The following LCK variants were observed in gnomAD, a reference collection of about 807,000 sequenced individuals.
The protein encoded by LCK is tyrosine-protein kinase Lck.
LCK carries 14 observed loss-of-function variants against 64.6 expected under a neutral mutation model. That is an observed-to-expected ratio of 0.22 (90% CI 0.14 to 0.34). The LOEUF is 0.34. Ranked by LOEUF, LCK falls within the 10% of genes least tolerant of loss-of-function variation. The probability of loss-of-function intolerance (pLI) is 1.00; values close to 1 mark genes in which losing one functional copy is unlikely to be tolerated. For synonymous variants in LCK, 277 were observed against 263.6 expected (o/e 1.05, Z -0.49); for missense variants, 434 against 668.1 (o/e 0.65, Z 3.86).
Position 32,276,448 on chromosome 1 carries a change from T to A in LCK, c.743T>A (p.Val248Glu), listed in dbSNP as rs905758883. Residue 248 changes from valine to glutamate, a missense_variant, in exon 8 of 13, where the codon GTG (valine) becomes GAG (glutamate). Physicochemically the swap from Val to Glu is moderately radical, Grantham distance 121 (BLOSUM62 -2). Around this residue, in one of 2 missense-constraint regions of LCK, gnomAD observed 201 missense variants for 376.9 expected, o/e 0.53. Coordinates refer to ENST00000336890, the MANE Select transcript of LCK (RefSeq NM_005356.5). The surrounding 1 kb of genome is among the most constrained non-coding windows in gnomAD (Gnocchi z 4.6). The stretch of plus-strand genomic sequence containing the variant: ...GTTCCCAGGGAGACGCTGAAGCTGG[T>A]GGAGCGGCTGGGGGCTGGACAGTTC... Reference protein sequence around the residue: ...WEVPRETLKLVERLGAGQFGE... With the variant: ...WEVPRETLKLEERLGAGQFGE... The A allele has an allele frequency of 6.2e-7, 1 of 1,612,696 alleles. No homozygotes were observed. The highest frequency in any genetic ancestry group is 8.5e-7 in the Non-Finnish European group (1 of 1,179,704).
At chr1:32,263,896 G>A (rs1639847482) in intron 1 of LCK, among the ~76,000 whole-genome samples, 1 of 151,640 alleles carries the variant, frequency 6.6e-6, no homozygotes. Flanking sequence ...CAGCCTGTGC[G>A]ACAGAGCAAG....
chr1:32,285,839 CAT>C lies in LCK; in HGVS notation c.*124_*125del. 1 of 957,992 alleles carries C rather than the reference CAT, an allele frequency of 1.0e-6. No individual in the cohort carries two copies. 59.3% of individuals were successfully genotyped at this position (957,992 alleles called of 1,614,324 possible). A position where few individuals can be genotyped will look rare whatever the true frequency, so the allele number is the denominator to read the frequency against. ...GGACTCTGCACATGAATCCCACCCACATGTGACACATATGCACCTTGTGTCTG... is the reference window on the plus strand; with the variant it reads ...GGACTCTGCACATGAATCCCACCCACGTGACACATATGCACCTTGTGTCTG... On this transcript the variant is annotated 3_prime_UTR_variant, in exon 13 of 13. Transcript: ENST00000336890.
rs1639514072 is a variant in LCK, at chr1:32,251,894, A to AGAG, written c.-6+523_-6+524insGAG. On this transcript the variant is annotated intron_variant, in intron 1 of 12. Transcript: ENST00000336890. The surrounding 1 kb of genome is among the most constrained non-coding windows in gnomAD (Gnocchi z 4.0). ...CCCCAGTGACAAGAATCTCCTGAGA[A>AGAG]AGAGAGAGAGAGAGAGAGAGAGAGA... 7.6e-6 allele frequency among the ~76,000 whole-genome samples: 1 copy of AGAG among 132,232 alleles called. No individual in the cohort carries two copies. Among genetic ancestry groups the AGAG allele is most frequent in the South Asian group, 2.5e-4 (1 of 3,946 alleles). The allele number at this position is 132,232 out of a possible 152,430, so 86.7% of individuals were successfully genotyped here.
chr1:32,274,798 C>G lies in LCK; in HGVS notation c.167C>G (p.Pro56Arg). ...CTGGTTACCTACGAAGGCTCCAATC[C>G]GCCGGCTTCCCCACTGCAAGGTGAC... is the stretch of plus-strand genomic sequence containing the variant. ...DPLVTYEGSN[P>R]PASPLQDNLV... The change falls in exon 3 of 13, where the codon CCG becomes CGG. Residue 56 changes from proline (P) to arginine (R), a missense_variant. Physicochemically the swap from Pro to Arg is moderately radical, Grantham distance 103. Coordinates refer to ENST00000336890, the MANE Select transcript of LCK (RefSeq NM_005356.5). 6.2e-7 allele frequency: 1 copy of G among 1,613,620 alleles called. No individual in the cohort carries two copies. The highest frequency in any genetic ancestry group is 8.5e-7 in the Non-Finnish European group (1 of 1,179,748).
chr1:32,273,063 C>G (rs1431803125), intron 1 of LCK, among the ~76,000 whole-genome samples: 1 of 122,618 alleles, frequency 8.2e-6, no homozygotes. Flanking sequence ...GGTGTGGGAG[C>G]CTGTGTGTGT....
chr1:32,275,321 G>T lies in LCK; in HGVS notation c.279G>T (p.Gln93His), dbSNP rs2124353803. The change falls in exon 5 of 13, where the codon CAG becomes CAT. Residue 93 changes from glutamine (Q) to histidine (H), a missense_variant and splice_region_variant. Transcript: ENST00000336890. This position sits in a 1 kb window ranked among gnomAD's most constrained non-coding sequence, Gnocchi z 6.9. ...ACACTGACCCACCTCCGTGGCGCAG[G>T]AGCGGCGAGTGGTGGAAGGCGCAGT... ...EKGEQLRILE[Q>H]SGEWWKAQSL... The T allele has an allele frequency of 6.2e-7, 1 of 1,614,172 alleles. No individual in the cohort carries two copies. Among genetic ancestry groups the T allele is most frequent in the East Asian group, 2.2e-5 (1 of 44,872 alleles).
chr1:32,256,459 G>A (rs112243216), intron 1 of LCK, among the ~76,000 whole-genome samples: 25 of 151,898 alleles, frequency 1.6e-4, no homozygotes, highest in Non-Finnish European at 3.1e-4. Context: ...TTAGCCAGGC[G>A]TGGTGGCAGG....
chr1:32,257,811 T>G (rs1246801876), intron 1 of LCK, among the ~76,000 whole-genome samples: 3 of 152,196 alleles, frequency 2.0e-5, no homozygotes, highest in Non-Finnish European at 2.9e-5. Flanking sequence ...GGACTTCTAC[T>G]AAAATACCAA....
At chr1:32,270,543 T>C (rs1640051199) in intron 1 of LCK, among the ~76,000 whole-genome samples, 1 of 150,746 alleles carries the variant, frequency 6.6e-6, no homozygotes, top group Non-Finnish European at 1.5e-5. Flanking sequence ...TACAGGCGTG[T>C]GCCACCATGC....
At chr1:32,281,096 A>G (rs1387816352) in intron 12 of LCK, among the ~76,000 whole-genome samples, 1 of 151,928 alleles carries the variant, frequency 6.6e-6, no homozygotes, top group African/African-American at 2.4e-5. Context: ...AAAGTTAGCC[A>G]GGTTTGGTGG....
Position 32,276,199 on chromosome 1 carries a change from C to A in LCK, c.631+136C>A, listed in dbSNP as rs1349982411. 9.7e-6 allele frequency: 14 copies of A among 1,445,762 alleles called. No homozygotes were observed. Among genetic ancestry groups the A allele is most frequent in the African/African-American group, 4.2e-5 (3 of 71,292 alleles). 89.6% of individuals were successfully genotyped at this position (1,445,762 alleles called of 1,614,324 possible). On this transcript the variant is annotated intron_variant, in intron 7 of 12. Transcript: ENST00000336890. This position sits in a 1 kb window ranked among gnomAD's most constrained non-coding sequence, Gnocchi z 4.6. ...TGAGGTGTGGAACCTGACCCTACGGCCCCAAGTGTTTGGGTGACAGCCCCA... is the reference window on the plus strand; with the variant it reads ...TGAGGTGTGGAACCTGACCCTACGGACCCAAGTGTTTGGGTGACAGCCCCA...
intron 1 of LCK, among the ~76,000 whole-genome samples, chr1:32,268,757 G>A (rs1157325602): frequency 1.3e-5 from 2 of 150,790 alleles, no homozygotes; most frequent in African/African-American, 4.9e-5. Flanking sequence ...AGGTTGCGGT[G>A]GGCCGAGATC....
chr1:32,277,004 G>T (rs1196540362), intron 9 of LCK: 1 of 392,734 alleles, frequency 2.5e-6, no homozygotes, highest in Non-Finnish European at 4.6e-6. Context: ...GAGGTCAGGA[G>T]TTCGAGACCA....
At position 32,274,728 on chromosome 1, in the gene LCK, A is replaced by T; in HGVS notation, c.106-9A>T. 6.4e-7 allele frequency: 1 copy of T among 1,567,202 alleles called. No individual in the cohort carries two copies. The highest frequency in any genetic ancestry group is 8.7e-7 in the Non-Finnish European group (1 of 1,153,796). On this transcript the variant is annotated splice_polypyrimidine_tract_variant and intron_variant, in intron 2 of 12. Coordinates refer to ENST00000336890, the MANE Select transcript of LCK (RefSeq NM_005356.5). ...CTTTCTGACCCCACCCTCATCCCCC[A>T]CTCCACAGCTGCTCATCCGAAATGG... is the stretch of plus-strand genomic sequence containing the variant.
At chr1:32,283,435 A>C (rs554180876) in intron 12 of LCK, among the ~76,000 whole-genome samples, 1 of 152,096 alleles carries the variant, frequency 6.6e-6, no homozygotes. Context: ...ATACCCTATA[A>C]GGTTTTGGTC....
intron 1 of LCK, among the ~76,000 whole-genome samples, chr1:32,259,739 G>C (rs1020376214): frequency 1.3e-5 from 2 of 152,024 alleles, no homozygotes; most frequent in Non-Finnish European, 2.9e-5. Context: ...GAGCCCGGGA[G>C]GTCGAGGCTT....
Position 32,279,614 on chromosome 1 carries a change from G to T in LCK, c.965-57G>T, listed in dbSNP as rs569757901. On this transcript the variant is annotated intron_variant, in intron 9 of 12. Coordinates refer to ENST00000336890, the MANE Select transcript of LCK (RefSeq NM_005356.5). ...CTAGACTCCCAGTTGGAGGAGAAAGGTCTGGGGGCCTCCCCCTGGGGCAAC... is the reference window on the plus strand; with the variant it reads ...CTAGACTCCCAGTTGGAGGAGAAAGTTCTGGGGGCCTCCCCCTGGGGCAAC... The T allele has an allele frequency of 4.3e-6, 7 of 1,613,684 alleles. No individual in the cohort carries two copies. In the South Asian group the frequency reaches 6.6e-5, roughly 15 times the overall value.
intron 1 of LCK, among the ~76,000 whole-genome samples, chr1:32,272,182 G>T (rs1446344344): frequency 1.3e-5 from 2 of 151,986 alleles, no homozygotes; most frequent in African/African-American, 4.8e-5. Context: ...TACTCAGGAG[G>T]CCGAGGCAGG....
chr1:32,265,961 C>A (rs1639897062), intron 1 of LCK, among the ~76,000 whole-genome samples: 1 of 152,128 alleles, frequency 6.6e-6, no homozygotes, highest in Non-Finnish European at 1.5e-5. Flanking sequence ...CAGCACCCGG[C>A]CTTGTTTTGA....
Sources: allele counts gnomAD v4.1 joint callset (sites outside exome capture counted in the v4.1 genomes callset), GRCh38; gene constraint gnomAD v4.1.1; regional missense constraint gnomAD v4.1.1; non-coding constraint Gnocchi (gnomAD v3.1); transcripts MANE v1.5; gene names NCBI Gene and HGNC (gene_info 2026-07-23, HGNC 2026-07-21).